CYP20A1: variants seen among roughly 807,000 people sequenced by gnomAD.
The protein encoded by CYP20A1 is cytochrome P450 20A1.
In CYP20A1, 61 loss-of-function variants were observed where a neutral mutation model predicts 61.4. That is an observed-to-expected ratio of 0.99 (90% confidence interval 0.81 to 1.23). CYP20A1 has a LOEUF of 1.23. Ranked by LOEUF, CYP20A1 falls within the 50% of genes most tolerant of loss-of-function variation. The probability of loss-of-function intolerance (pLI) is 0.00; values close to 1 mark genes in which losing one functional copy is unlikely to be tolerated. For missense variants in CYP20A1, 530 were observed against 542.4 expected, an observed-to-expected ratio of 0.98 and a Z score of 0.23; for synonymous variants, 193 against 188.2, an observed-to-expected ratio of 1.03 and a Z score of -0.21.
In CYP20A1 at chr2:203,292,283, G is replaced by T. The variant is rs754469820; in HGVS notation, c.1105G>T (p.Gly369Cys). Residue 369 changes from glycine to cysteine, a missense_variant, in exon 11 of 13, where the codon GGT becomes TGT. Gly to Cys is a radical substitution (Grantham distance 159). Coordinates refer to ENST00000356079, the MANE Select transcript of CYP20A1 (RefSeq NM_177538.3). The part of the protein sequence containing the change: ...PRETLVLYAL[G>C]VVLQDPNTWP... ...ACAGACCCTCGTCCTTTATGCCCTTGGTGTGGTACTTCAGGATCCTAATAC... is the reference window on the plus strand; with the variant it reads ...ACAGACCCTCGTCCTTTATGCCCTTTGTGTGGTACTTCAGGATCCTAATAC... 5 of 1,611,464 alleles carry T rather than the reference G, an allele frequency of 3.1e-6. No homozygotes were observed. The highest frequency in any genetic ancestry group is 4.2e-6 in the Non-Finnish European group (5 of 1,178,712).
At chr2:203,286,460 G>C (rs1177505196) in intron 9 of CYP20A1, among the ~76,000 whole-genome samples, 1 of 62,816 alleles carries the variant, frequency 1.6e-5, no homozygotes, top group African/African-American at 4.6e-5. Flanking sequence ...ATGTTCAACT[G>C]GTAAATAGAT....
intron 4 of CYP20A1, among the ~76,000 whole-genome samples, chr2:203,258,003 G>GTGCAGTTGCACAATTATA: frequency 6.6e-6 from 1 of 151,450 alleles, no homozygotes; most frequent in Non-Finnish European, 1.5e-5. Flanking sequence ...CTGGGCTGAA[G>GTGCAGTTGCACAATTATA]GGATCCTCCT....
chr2:203,301,702 G>A lies in CYP20A1; in HGVS notation c.*4794G>A, dbSNP rs931991810. Among the ~76,000 whole-genome samples the A allele has an allele frequency of 6.6e-6, 1 of 152,036 alleles. No homozygotes were observed. Among genetic ancestry groups the A allele is most frequent in the Non-Finnish European group, 1.5e-5 (1 of 67,998 alleles). Reference sequence around the variant, plus strand: ...CATAGTGCTTATTTGGCCCACAAAAGTACAGTTCCATTTTTTATATAAATA... The same window carrying A: ...CATAGTGCTTATTTGGCCCACAAAAATACAGTTCCATTTTTTATATAAATA... On this transcript the variant is annotated 3_prime_UTR_variant, in exon 13 of 13. Transcript: ENST00000356079.
intron 4 of CYP20A1, among the ~76,000 whole-genome samples, chr2:203,259,347 G>C (rs1240163645): frequency 6.6e-6 from 1 of 152,152 alleles, no homozygotes; most frequent in Non-Finnish European, 1.5e-5. Context: ...CAGTGTTGGG[G>C]GTGGGGCTTG....
chr2:203,252,574 T>C (rs2066732418), intron 4 of CYP20A1, among the ~76,000 whole-genome samples: 1 of 152,008 alleles, frequency 6.6e-6, no homozygotes, highest in Non-Finnish European at 1.5e-5. Context: ...TTTGTATTTT[T>C]AGTAGAGGCA....
rs759046650 is a variant in CYP20A1, at chr2:203,300,661, G to A, written c.*3753G>A. ...TCCCAGCTCTTTGGGAGGCCAAGGC[G>A]GGTAAATCACCTGAGGTTGGGAGTT... is the stretch of plus-strand genomic sequence containing the variant. On this transcript the variant is annotated 3_prime_UTR_variant, in exon 13 of 13. Transcript: ENST00000356079. Among the ~76,000 whole-genome samples the A allele has an allele frequency of 6.6e-5, 10 of 152,034 alleles. No individual in the cohort carries two copies. Among genetic ancestry groups the A allele is most frequent in the Non-Finnish European group, 1.0e-4 (7 of 68,004 alleles).
intron 4 of CYP20A1, among the ~76,000 whole-genome samples, chr2:203,254,035 C>T (rs2066801264): frequency 6.6e-6 from 1 of 151,968 alleles, no homozygotes; most frequent in Non-Finnish European, 1.5e-5. Context: ...GCAACTTCCG[C>T]CTCCTGGGTT....
intron 6 of CYP20A1, among the ~76,000 whole-genome samples, chr2:203,278,080 G>A (rs1450346412): frequency 3.9e-5 from 6 of 151,948 alleles, no homozygotes; most frequent in African/African-American, 1.2e-4. Flanking sequence ...GTTTGAGACC[G>A]GCCTGGCCAA....
chr2:203,277,157 G>A (rs1036329430), intron 6 of CYP20A1, among the ~76,000 whole-genome samples: 1 of 151,650 alleles, frequency 6.6e-6, no homozygotes, highest in African/African-American at 2.4e-5. Context: ...GACCATCCTG[G>A]CTAACACGGT....
intron 5 of CYP20A1, 174 bp from the exon 6 acceptor site, chr2:203,272,496 C>T (rs566201016): frequency 7.8e-5 from 24 of 309,014 alleles, no homozygotes; most frequent in Non-Finnish European, 1.3e-4. Flanking sequence ...GAGCTATGAT[C>T]GTGCCATTGC....
Position 203,245,969 on chromosome 2 carries a change from A to C in CYP20A1, c.122+74A>C, listed in dbSNP as rs1022388043. The C allele has an allele frequency of 5.7e-6, 6 of 1,052,100 alleles. No individual in the cohort carries two copies. The African/African-American group carries it at 8.0e-5, about 14-fold the overall frequency. The allele number at this position is 1,052,100 out of a possible 1,614,324, so 65.2% of individuals were successfully genotyped here. A position where few individuals can be genotyped will look rare whatever the true frequency, so the allele number is the denominator to read the frequency against. ...GATATCAAGACTAAACCATATTTTT[A>C]GCCAATCATGGTAGCTGTTGCCAGC... On this transcript the variant is annotated intron_variant, in intron 2 of 12. Coordinates refer to ENST00000356079, the MANE Select transcript of CYP20A1 (RefSeq NM_177538.3).
At chr2:203,239,232 G>T in intron 1 of CYP20A1, 98 bp downstream of exon 1, 2 of 1,027,964 alleles carry the variant, frequency 1.9e-6, no homozygotes, top group African/African-American at 3.1e-5. Context: ...CGCAGGGGGC[G>T]GGCCTGAGAG....
At chr2:203,294,189 T>C (rs2068671423) in intron 11 of CYP20A1, among the ~76,000 whole-genome samples, 1 of 152,046 alleles carries the variant, frequency 6.6e-6, no homozygotes, top group Admixed American at 6.6e-5. Flanking sequence ...TTTTTATTTT[T>C]TTCGAGACAG....
Position 203,302,238 on chromosome 2 carries a change from A to T in CYP20A1, c.*5330A>T, listed in dbSNP as rs1176508791. Among the ~76,000 whole-genome samples, 1 of 152,096 alleles carries T rather than the reference A, an allele frequency of 6.6e-6. No individual in the cohort carries two copies. Among genetic ancestry groups the T allele is most frequent in the East Asian group, 1.9e-4 (1 of 5,166 alleles). On this transcript the variant is annotated 3_prime_UTR_variant, in exon 13 of 13. Transcript: ENST00000356079. ...CACCATGCCCAGCCCCACTGTTAAG[A>T]TTCTAATGTAGGCCGGGCACAGTGA...
intron 8 of CYP20A1, among the ~76,000 whole-genome samples, chr2:203,283,682 G>A (rs765700002): frequency 3.3e-5 from 5 of 151,172 alleles, no homozygotes; most frequent in Non-Finnish European, 7.4e-5. Context: ...CCAAGTAGCT[G>A]GGACTAGAGG....
intron 1 of CYP20A1, among the ~76,000 whole-genome samples, chr2:203,243,997 T>C (rs995956486): frequency 6.6e-6 from 1 of 152,120 alleles, no homozygotes; most frequent in African/African-American, 2.4e-5. Context: ...GCCTATTTCA[T>C]TGAAAAAATG....
rs192236561 is a variant in CYP20A1 at position 203,300,786 on chromosome 2, C to T, written c.*3878C>T. Among the ~76,000 whole-genome samples the T allele has an allele frequency of 6.0e-5, 9 of 149,550 alleles. No homozygotes were observed. The highest frequency in any genetic ancestry group is 6.0e-4 in the East Asian group (3 of 5,042). On this transcript the variant is annotated 3_prime_UTR_variant, in exon 13 of 13. Transcript: ENST00000356079. ...TCCCTGTAATCCTAGCTACTTGAGA[C>T]GCTGAGGCAGGAAAATTGCTTGAAC...
In CYP20A1 at chr2:203,301,928, T is replaced by TG. The variant is rs970767426; in HGVS notation, c.*5020_*5021insG. Among the ~76,000 whole-genome samples, 1 of 144,836 alleles carries TG rather than the reference T, an allele frequency of 6.9e-6. No individual in the cohort carries two copies. The highest frequency in any genetic ancestry group is 2.0e-4 in the East Asian group (1 of 5,024). ...CTGTTAAGATTCTTTTTTTTTTTTT[T>TG]TTTTTTTTGTTTTGAGACTGAGTCC... is the stretch of plus-strand genomic sequence containing the variant. On this transcript the variant is annotated 3_prime_UTR_variant, in exon 13 of 13. Coordinates refer to ENST00000356079, the MANE Select transcript of CYP20A1 (RefSeq NM_177538.3).
chr2:203,245,729 TC>T, intron 1 of CYP20A1, 116 bp from the exon 2 acceptor site: 1 of 531,648 alleles, frequency 1.9e-6, no homozygotes, highest in Non-Finnish European at 3.3e-6. Context: ...GGAAATAATT[TC>T]TTAGATTCAG....
Sources: gnomAD v4.1 joint callset for allele counts (sites outside exome capture counted in the v4.1 genomes callset) on GRCh38, gnomAD v4.1.1 for gene constraint, MANE v1.5 for transcripts, NCBI Gene and HGNC (gene_info 2026-07-23, HGNC 2026-07-21) for gene names.